The following GATB variants were observed in gnomAD, a reference collection of about 807,000 sequenced individuals.
GATB encodes glutamyl-tRNA(Gln) amidotransferase subunit B, mitochondrial.
GATB carries 39 observed loss-of-function variants against 62.3 expected under a neutral mutation model. The observed-to-expected ratio is 0.63, with a 90% CI of 0.48 to 0.82. The LOEUF is 0.82. Among genes scored for constraint, GATB ranks in the 40% least tolerant of loss-of-function variants. GATB has a pLI of 0.00. For missense variants in GATB, 670 were observed against 684.0 expected (o/e 0.98, Z 0.23); for synonymous variants, 276 against 258.9 (o/e 1.07, Z -0.63).
At chr4:151,718,431 A>C (rs949270933) in intron 3 of GATB, among the ~76,000 whole-genome samples, 4 of 152,224 alleles carry the variant, frequency 2.6e-5, no homozygotes, top group African/African-American at 7.2e-5. Context: ...CAGATGACCA[A>C]AACATCTCAT....
At chr4:151,690,284 G>T (rs1738337974) in intron 9 of GATB, among the ~76,000 whole-genome samples, 1 of 152,238 alleles carries the variant, frequency 6.6e-6, no homozygotes, top group Admixed American at 6.5e-5. Flanking sequence ...CTGGTGACAA[G>T]CCTGCTGAAT....
chr4:151,720,457 A>G (rs1739005716), intron 2 of GATB: 1 of 152,206 alleles, frequency 6.6e-6, no homozygotes, highest in African/African-American at 2.4e-5. Context: ...GTAGAGATTC[A>G]ATAAATAGTT....
rs1482204192 is a variant in GATB at position 151,697,965 on chromosome 4, A to ATG, written c.1197+3363_1197+3364insCA. ...TGTGTGTGTGTGTGTATATATATATATATATATATATATATATATATATAT... is the reference window on the plus strand; with the variant it reads ...TGTGTGTGTGTGTGTATATATATATATGTATATATATATATATATATATATAT... On this transcript the variant is annotated intron_variant, in intron 9 of 12. Coordinates refer to ENST00000263985, the MANE Select transcript of GATB (RefSeq NM_004564.3). 3.0e-4 allele frequency among the ~76,000 whole-genome samples: 33 copies of ATG among 109,018 alleles called. 5 individuals carry two copies. Among genetic ancestry groups the ATG allele is most frequent in the African/African-American group, 1.6e-3 (32 of 20,102 alleles). 71.5% of individuals were successfully genotyped at this position (109,018 alleles called of 152,430 possible).
chr4:151,749,974 C>T (rs917937448), intron 2 of GATB, among the ~76,000 whole-genome samples: 6 of 152,056 alleles, frequency 3.9e-5, no homozygotes, highest in Non-Finnish European at 7.4e-5. Context: ...CTCTGCCTCC[C>T]GGGTTCACAC....
intron 5 of GATB, among the ~76,000 whole-genome samples, chr4:151,711,113 T>C (rs1738810527): frequency 6.6e-6 from 1 of 152,166 alleles, no homozygotes; most frequent in African/African-American, 2.4e-5. Context: ...AAAAACCATC[T>C]TGTATGTCTC....
At chr4:151,671,809 G>T (rs1187859189) in intron 12 of GATB, among the ~76,000 whole-genome samples, 2 of 152,192 alleles carry the variant, frequency 1.3e-5, no homozygotes, top group African/African-American at 2.4e-5. Context: ...GTCGGGGGGA[G>T]TGTGCTGTGT....
intron 5 of GATB, among the ~76,000 whole-genome samples, chr4:151,709,440 CTTTT>C (rs1342631162): frequency 6.6e-6 from 1 of 152,124 alleles, no homozygotes; most frequent in East Asian, 1.9e-4. Context: ...TTTTTAATCC[CTTTT>C]TTGACAAGTT....
At chr4:151,706,712 A>C (rs1382592838) in intron 6 of GATB, among the ~76,000 whole-genome samples, 1 of 152,202 alleles carries the variant, frequency 6.6e-6, no homozygotes, top group Admixed American at 6.5e-5. Context: ...AATAAGGTCT[A>C]ATACAAGACT....
intron 10 of GATB, among the ~76,000 whole-genome samples, chr4:151,686,416 G>A (rs12647586): frequency 1.3e-5 from 2 of 151,760 alleles, no homozygotes; most frequent in Admixed American, 1.3e-4. Flanking sequence ...GCAAACAACT[G>A]TTGGGAGTTA....
In GATB at chr4:151,760,884, C is replaced by T. The variant is rs768652138; in HGVS notation, c.99G>A (p.Gly33=). The T allele has an allele frequency of 1.9e-6, 3 of 1,614,066 alleles. No homozygotes were observed. The highest frequency in any genetic ancestry group is 2.5e-6 in the Non-Finnish European group (3 of 1,179,966). Residue 33 remains glycine (G), a synonymous_variant, in exon 1 of 13, where the codon GGG becomes GGA. Transcript: ENST00000263985. ...GSCHRRGAPT[G]STSNQIRGES... ...CTCCCCTAATCTGGTTGGATGTGGA[C>T]CCAGTCGGAGCCCCTCTTCGGTGGC...
intron 11 of GATB, 152 bp from the exon 12 acceptor site, chr4:151,673,048 C>G: frequency 1.1e-6 from 1 of 885,620 alleles, no homozygotes; most frequent in Admixed American, 2.8e-5. Flanking sequence ...GGAAAGGGCA[C>G]CTGGCTGCCC....
chr4:151,727,608 A>G (rs1739161364), intron 2 of GATB, among the ~76,000 whole-genome samples: 1 of 152,220 alleles, frequency 6.6e-6, no homozygotes, highest in Admixed American at 6.5e-5. Flanking sequence ...ATCTCTGAGA[A>G]GACATATACT....
chr4:151,753,451 C>T (rs1739761350), intron 2 of GATB, among the ~76,000 whole-genome samples: 1 of 152,084 alleles, frequency 6.6e-6, no homozygotes, highest in Non-Finnish European at 1.5e-5. Context: ...AAAGTGAGGC[C>T]CTCCTCCACC....
At chr4:151,739,039 A>G (rs1388686772) in intron 2 of GATB, among the ~76,000 whole-genome samples, 2 of 152,244 alleles carry the variant, frequency 1.3e-5, no homozygotes, top group East Asian at 3.8e-4. Flanking sequence ...TCAAAATGCT[A>G]TTGACAATCA....
chr4:151,752,034 T>C (rs112016731), intron 2 of GATB, among the ~76,000 whole-genome samples: 1,736 of 152,306 alleles, frequency 0.011, 30 homozygotes, highest in African/African-American at 0.039. Context: ...AATACCATTC[T>C]TCTACTGTCA....
chr4:151,716,399 C>T (rs973208215), intron 4 of GATB, among the ~76,000 whole-genome samples: 1 of 151,792 alleles, frequency 6.6e-6, no homozygotes, highest in Non-Finnish European at 1.5e-5. Flanking sequence ...CCTCCCACCT[C>T]AGCCTCCTGA....
chr4:151,760,741 A>G, intron 1 of GATB, 66 bp downstream of exon 1: 3 of 1,419,004 alleles, frequency 2.1e-6, no homozygotes, highest in Non-Finnish European at 1.9e-6. Context: ...CGTAATTGCC[A>G]TTATTTCCCC....
chr4:151,672,405 G>A (rs1200195875), intron 12 of GATB, among the ~76,000 whole-genome samples: 1 of 152,148 alleles, frequency 6.6e-6, no homozygotes, highest in African/African-American at 2.4e-5. Context: ...GAGGTCCTTA[G>A]GAAGTAGCGC....
intron 5 of GATB, among the ~76,000 whole-genome samples, chr4:151,708,463 A>G (rs796554346): frequency 1.8e-4 from 27 of 152,246 alleles, no homozygotes; most frequent in African/African-American, 6.5e-4. Context: ...CTGCAGTTTT[A>G]TACTGAAGTT....
Sources: allele counts gnomAD v4.1 joint callset (sites outside exome capture counted in the v4.1 genomes callset), GRCh38; gene constraint gnomAD v4.1.1; transcripts MANE v1.5; gene names NCBI Gene and HGNC (gene_info 2026-07-23, HGNC 2026-07-21).